ANKRD31: variants seen among roughly 807,000 people sequenced by gnomAD.
ANKRD31 encodes the protein ankyrin repeat domain-containing protein 31.
ANKRD31 carries 147 observed loss-of-function variants against 186.0 expected under a neutral mutation model. The ratio of observed to expected loss-of-function variants is 0.79; its 90% confidence interval spans 0.69 to 0.91. The LOEUF (loss-of-function observed/expected upper bound fraction) is 0.91, where lower values mean the gene tolerates loss of function less well. ANKRD31 is among the 40% of genes least tolerant of loss of function. ANKRD31 has a pLI of 0.00. For synonymous variants in ANKRD31, 673 were observed against 736.4 expected (o/e 0.91, Z 1.39); for missense variants, 1,986 against 2,148.8 (o/e 0.92, Z 1.50).
Position 75,104,532 on chromosome 5 carries a change from T to A in ANKRD31, c.5027A>T (p.Asn1676Ile). The A allele has an allele frequency of 6.5e-7, 1 of 1,537,012 alleles. No homozygotes were observed. The highest frequency in any genetic ancestry group is 1.4e-5 in the African/African-American group (1 of 73,172). Residue 1676 changes from asparagine (N) to isoleucine (I), a missense_variant, in exon 22 of 26, where the codon AAC (asparagine) becomes ATC (isoleucine). Transcript: ENST00000506364. ...DLSNYDPKRG[N>I]RKTSSQQSPT... is the part of the protein sequence containing the mutation. ...TGATTGCTGGGAACTTGTTTTTCTG[T>A]TTCCTCTTTTGGGATCATAATTGGA...
chr5:75,180,753 C>A (rs1011307435), intron 10 of ANKRD31, among the ~76,000 whole-genome samples: 32 of 152,052 alleles, frequency 2.1e-4, no homozygotes, highest in African/African-American at 7.2e-4. Flanking sequence ...TGAAGACTTA[C>A]ATGTTAGACC....
In ANKRD31 at chr5:75,146,695, A is replaced by G; in HGVS notation, c.2716T>C (p.Cys906Arg). ...GTTATAGCCTTCTCAGAGGTAGAGC[A>G]ATCATCATCATCATCATTATCAGAA... ...ENSDNDDDDD[C>R]STSEKAITSK... The change falls in exon 14 of 26, where the codon TGC becomes CGC. Residue 906 changes from cysteine (C) to arginine (R), a missense_variant. Cys to Arg is a radical substitution (Grantham distance 180). Coordinates refer to ENST00000506364, the MANE Select transcript of ANKRD31 (RefSeq NM_001372053.1). 6.5e-7 allele frequency: 1 copy of G among 1,536,102 alleles called. No individual in the cohort carries two copies. The highest frequency in any genetic ancestry group is 1.2e-5 in the South Asian group (1 of 84,018).
At chr5:75,117,557 G>A (rs1362906728) in intron 18 of ANKRD31, among the ~76,000 whole-genome samples, 1 of 152,022 alleles carries the variant, frequency 6.6e-6, no homozygotes, top group East Asian at 1.9e-4. Flanking sequence ...TGACACAATT[G>A]CTCTCCCCAG....
At chr5:75,170,662 T>A (rs920716142) in intron 10 of ANKRD31, among the ~76,000 whole-genome samples, 6 of 152,050 alleles carry the variant, frequency 3.9e-5, no homozygotes, top group Non-Finnish European at 5.9e-5. Flanking sequence ...CCCCACTCCC[T>A]TCCTCCTCCC....
At chr5:75,119,725 T>C (rs1467419339) in intron 17 of ANKRD31, among the ~76,000 whole-genome samples, 5 of 152,220 alleles carry the variant, frequency 3.3e-5, no homozygotes, top group East Asian at 3.9e-4. Context: ...TGTACAAGTG[T>C]TCTCTTTTCT....
chr5:75,139,837 C>A (rs1297870938), intron 15 of ANKRD31, among the ~76,000 whole-genome samples: 1 of 152,008 alleles, frequency 6.6e-6, no homozygotes, highest in Non-Finnish European at 1.5e-5. Flanking sequence ...GGGCGCTGGG[C>A]AGTTGGTTAA....
Position 75,147,511 on chromosome 5 carries a change from GA to G in ANKRD31, c.1906-7del, listed in dbSNP as rs1025390758. 6.4e-6 allele frequency: 9 copies of G among 1,412,878 alleles called. No homozygotes were observed. The highest frequency in any genetic ancestry group is 3.2e-5 in the South Asian group (2 of 62,544). The allele number at this position is 1,412,878 out of a possible 1,614,324, so 87.5% of individuals were successfully genotyped here. A position where few individuals can be genotyped will look rare whatever the true frequency, so the allele number is the denominator to read the frequency against. On this transcript the variant is annotated splice_polypyrimidine_tract_variant and splice_region_variant and intron_variant, in intron 13 of 25. Coordinates refer to ENST00000506364, the MANE Select transcript of ANKRD31 (RefSeq NM_001372053.1). Reference sequence around the variant, plus strand: ...TTAGAACTGAACTTTGGTTTCTATAGAAAAAAAATACATAGTTAGCTTTAAT... The same window carrying G: ...TTAGAACTGAACTTTGGTTTCTATAGAAAAAAATACATAGTTAGCTTTAAT...
chr5:75,077,617 CT>C (rs1160678657), intron 25 of ANKRD31, among the ~76,000 whole-genome samples: 2 of 151,876 alleles, frequency 1.3e-5, no homozygotes, highest in African/African-American at 4.8e-5. Flanking sequence ...AAAACGAACC[CT>C]GAAATTCTAC....
chr5:75,116,160 C>CA (rs1422343990), intron 19 of ANKRD31, among the ~76,000 whole-genome samples: 1 of 148,564 alleles, frequency 6.7e-6, no homozygotes, highest in East Asian at 2.0e-4. Context: ...ATCACAAGAA[C>CA]AAAAAACCAA....
At chr5:75,208,420 C>A (rs1270000263) in intron 4 of ANKRD31, among the ~76,000 whole-genome samples, 1 of 151,948 alleles carries the variant, frequency 6.6e-6, no homozygotes, top group East Asian at 1.9e-4. Flanking sequence ...TTTCCCCTCA[C>A]CCCCCACCCC....
chr5:75,193,753 A>G (rs538650461), intron 7 of ANKRD31, among the ~76,000 whole-genome samples, 162 bp from the exon 8 acceptor site: 7 of 152,336 alleles, frequency 4.6e-5, no homozygotes, highest in Non-Finnish European at 1.0e-4. Context: ...GAAAGATTTA[A>G]TAATAATTAA....
At chr5:75,171,598 A>G (rs896889481) in intron 10 of ANKRD31, among the ~76,000 whole-genome samples, 2 of 151,862 alleles carry the variant, frequency 1.3e-5, no homozygotes, top group African/African-American at 4.8e-5. Context: ...AGGCAGAAAA[A>G]GAACAGAAAT....
At chr5:75,091,718 G>A (rs560871563) in intron 22 of ANKRD31, among the ~76,000 whole-genome samples, 14 of 152,118 alleles carry the variant, frequency 9.2e-5, no homozygotes, top group Admixed American at 2.0e-4. Context: ...AAGACTACAG[G>A]GCTCCCTGTT....
chr5:75,156,685 T>C (rs1752202295), intron 11 of ANKRD31, among the ~76,000 whole-genome samples: 1 of 152,164 alleles, frequency 6.6e-6, no homozygotes, highest in Admixed American at 6.6e-5. Context: ...GGATTTCACA[T>C]GCACACACAG....
intron 4 of ANKRD31, 109 bp from the exon 5 acceptor site, chr5:75,206,596 G>A: frequency 2.1e-6 from 1 of 472,878 alleles, no homozygotes; most frequent in Non-Finnish European, 3.2e-6. Context: ...TTCCAAATAG[G>A]ATAATTTTTT....
Position 75,080,582 on chromosome 5 carries a change from G to A in ANKRD31, c.5633C>T (p.Thr1878Ile). 6.6e-7 allele frequency: 1 copy of A among 1,523,934 alleles called. No individual in the cohort carries two copies. Among genetic ancestry groups the A allele is most frequent in the Non-Finnish European group, 8.8e-7 (1 of 1,141,240 alleles). 94.4% of individuals were successfully genotyped at this position (1,523,934 alleles called of 1,614,324 possible). A position where few individuals can be genotyped will look rare whatever the true frequency, so the allele number is the denominator to read the frequency against. ...QEPNKSMFEK[T>I]KFGQGTSRES... The stretch of plus-strand genomic sequence containing the variant: ...TTTTTTTTTACCTTGTCCAAATTTT[G>A]TTTTCTCAAACATTGATTTGTTTGG... Residue 1878 changes from threonine to isoleucine, a missense_variant, in exon 25 of 26, where the codon ACA (threonine) becomes ATA (isoleucine). By Grantham distance (89) the Thr-to-Ile change is moderately conservative. Transcript: ENST00000506364.
intron 25 of ANKRD31, among the ~76,000 whole-genome samples, chr5:75,079,674 T>C (rs113844184): frequency 0.049 from 7,454 of 152,122 alleles, 396 homozygotes; most frequent in African/African-American, 0.13. Flanking sequence ...TGGGGTTTCA[T>C]CATGTTGGCC....
chr5:75,158,632 T>G (rs1752360181), intron 11 of ANKRD31, among the ~76,000 whole-genome samples: 1 of 151,900 alleles, frequency 6.6e-6, no homozygotes. Context: ...CAAGTAAAAA[T>G]AATTTTTTAA....
At chr5:75,105,469 C>G (rs1336718260) in intron 21 of ANKRD31, among the ~76,000 whole-genome samples, 2 of 151,902 alleles carry the variant, frequency 1.3e-5, no homozygotes, top group African/African-American at 2.4e-5. Context: ...AAGGAGGTGA[C>G]AGTAAGGTTA....
Sources: allele counts gnomAD v4.1 joint callset (sites outside exome capture counted in the v4.1 genomes callset), GRCh38; gene constraint gnomAD v4.1.1; transcripts MANE v1.5; gene names NCBI Gene and HGNC (gene_info 2026-07-23, HGNC 2026-07-21).